MYO16: variants seen among roughly 807,000 people sequenced by gnomAD.
The protein encoded by MYO16 is myosin XVI.
In MYO16, 94 loss-of-function variants were observed where a neutral mutation model predicts 205.3. The ratio of observed to expected loss-of-function variants is 0.46; its 90% confidence interval spans 0.39 to 0.54. The LOEUF (loss-of-function observed/expected upper bound fraction) is 0.54, where lower values mean the gene tolerates loss of function less well. Ranked by LOEUF, MYO16 falls within the 20% of genes least tolerant of loss-of-function variation. The pLI, the probability that MYO16 is intolerant of heterozygous loss-of-function variation, is 0.00. For missense variants in MYO16, 2,315 were observed against 2,387.5 expected (o/e 0.97, Z 0.63); for synonymous variants, 988 against 954.0 (o/e 1.04, Z -0.66).
chr13:108,644,358 G>T (rs1010094142), intron 1 of MYO16, among the ~76,000 whole-genome samples: 1 of 124,274 alleles, frequency 8.0e-6, no homozygotes, highest in Non-Finnish European at 1.7e-5. Context: ...CTATCTGTCT[G>T]TCTGTCTATC....
chr13:108,669,203 G>T (rs1881876681), intron 2 of MYO16, among the ~76,000 whole-genome samples: 1 of 152,098 alleles, frequency 6.6e-6, no homozygotes, highest in African/African-American at 2.4e-5. Flanking sequence ...TGACCAGGAA[G>T]AAAGGATGAA....
At position 109,141,050 on chromosome 13, in the gene MYO16, C is replaced by T. The variant is rs763970728; in HGVS notation, c.4838C>T (p.Ala1613Val). 4.4e-4 allele frequency: 619 copies of T among 1,407,648 alleles called. 1 individual carries two copies. The highest frequency in any genetic ancestry group is 4.8e-4 in the Non-Finnish European group (523 of 1,084,490). 87.2% of individuals were successfully genotyped at this position (1,407,648 alleles called of 1,614,324 possible). A position where few individuals can be genotyped will look rare whatever the true frequency, so the allele number is the denominator to read the frequency against. The change falls in exon 32 of 35, where the codon GCG becomes GTG. Residue 1613 changes from alanine to valine, a missense_variant. Coordinates refer to ENST00000457511, the MANE Select transcript of MYO16 (RefSeq NM_001198950.3). This position sits in a 1 kb window ranked among gnomAD's most constrained non-coding sequence, Gnocchi z 4.1. ...GPPPAPYRPC[A>V]HLAFPPEPAP... ...CCCCCCGCGCCCTACAGGCCCTGCG[C>T]GCACTTGGCCTTCCCGCCGGAGCCC...
the MYO16 span, among the ~76,000 whole-genome samples, chr13:108,537,629 A>C: frequency 6.6e-6 from 1 of 151,964 alleles, no homozygotes; most frequent in Admixed American, 6.6e-5. Flanking sequence ...GTGGGTAAGC[A>C]TTTCCTTTTC....
intron 5 of MYO16, among the ~76,000 whole-genome samples, chr13:108,790,534 A>G (rs1467567366): frequency 6.6e-6 from 1 of 152,232 alleles, no homozygotes; most frequent in Admixed American, 6.5e-5. Flanking sequence ...ATAAATGAGA[A>G]TGGACCCATT....
At chr13:109,092,111 A>T (rs1888641871) in intron 27 of MYO16, among the ~76,000 whole-genome samples, 1 of 152,244 alleles carries the variant, frequency 6.6e-6, no homozygotes, top group South Asian at 2.1e-4. Flanking sequence ...AGGACACTGA[A>T]ACAACATAAG....
the MYO16 span, among the ~76,000 whole-genome samples, chr13:108,546,399 A>T: frequency 3.9e-5 from 6 of 152,198 alleles, no homozygotes; most frequent in Admixed American, 3.9e-4. Context: ...GAGGACCCTG[A>T]AGGTGCATGT....
chr13:108,701,141 C>T (rs1312511274), intron 2 of MYO16, among the ~76,000 whole-genome samples: 10 of 151,900 alleles, frequency 6.6e-5, no homozygotes, highest in Non-Finnish European at 1.0e-4. Context: ...GATTTAGTTA[C>T]GAAAAATAAT....
chr13:108,556,388 T>A, the MYO16 span, among the ~76,000 whole-genome samples: 1 of 152,182 alleles, frequency 6.6e-6, no homozygotes, highest in African/African-American at 2.4e-5. Flanking sequence ...ATTAGTGAGT[T>A]TGAGCCTTTT....
At chr13:108,946,011 G>T (rs1882925528) in intron 16 of MYO16, among the ~76,000 whole-genome samples, 1 of 152,146 alleles carries the variant, frequency 6.6e-6, no homozygotes, top group Non-Finnish European at 1.5e-5. Context: ...CTGTGTGCCT[G>T]GGGGTAGACA....
chr13:108,664,198 T>G (rs1881625176), intron 1 of MYO16, among the ~76,000 whole-genome samples: 1 of 152,220 alleles, frequency 6.6e-6, no homozygotes, highest in African/African-American at 2.4e-5. Context: ...CATATGATAC[T>G]AAAACGTATA....
intron 20 of MYO16, among the ~76,000 whole-genome samples, chr13:108,971,434 T>G (rs1415403301): frequency 6.6e-6 from 1 of 150,522 alleles, no homozygotes; most frequent in Non-Finnish European, 1.5e-5. Context: ...TATCTATCAG[T>G]CATCTCTCTA....
chr13:108,587,377 G>A, the MYO16 span, among the ~76,000 whole-genome samples: 1 of 152,142 alleles, frequency 6.6e-6, no homozygotes, highest in African/African-American at 2.4e-5. Flanking sequence ...GGCTAGGAGT[G>A]TCAATTTCTA....
intron 20 of MYO16, among the ~76,000 whole-genome samples, chr13:108,982,142 A>C (rs1884466015): frequency 6.6e-6 from 1 of 152,262 alleles, no homozygotes; most frequent in African/African-American, 2.4e-5. Flanking sequence ...TGTATGATGA[A>C]CAAGTGAAAG....
intron 32 of MYO16, among the ~76,000 whole-genome samples, chr13:109,149,012 T>C (rs1402126832): frequency 2.6e-5 from 4 of 152,186 alleles, no homozygotes; most frequent in Admixed American, 2.6e-4. Flanking sequence ...AAAATGACTT[T>C]CCTTGCATGG....
intron 7 of MYO16, among the ~76,000 whole-genome samples, chr13:108,817,722 A>G (rs1186032615): frequency 6.6e-6 from 1 of 152,224 alleles, no homozygotes; most frequent in Admixed American, 6.5e-5. Context: ...AGCACAACAC[A>G]GTTGAGGTCT....
intron 27 of MYO16, 103 bp from the exon 28 acceptor site, chr13:109,100,682 G>A (rs1274153731): frequency 3.2e-5 from 27 of 837,910 alleles, no homozygotes; most frequent in East Asian, 2.4e-4. Flanking sequence ...AAAGAAAGAC[G>A]GGGAAACTTT....
At chr13:108,585,588 G>A in the MYO16 span, among the ~76,000 whole-genome samples, 2 of 152,198 alleles carry the variant, frequency 1.3e-5, no homozygotes, top group African/African-American at 4.8e-5. Context: ...AAGGGAGAAG[G>A]GGATTCTCTA....
At chr13:108,647,574 A>AT (rs989875356) in intron 1 of MYO16, among the ~76,000 whole-genome samples, 1 of 151,616 alleles carries the variant, frequency 6.6e-6, no homozygotes, top group Non-Finnish European at 1.5e-5. Context: ...CCTTTTTTCC[A>AT]TTTTTTTCTC....
intron 16 of MYO16, among the ~76,000 whole-genome samples, chr13:108,914,367 A>T (rs531368292): frequency 6.6e-6 from 1 of 152,202 alleles, no homozygotes; most frequent in East Asian, 1.9e-4. Context: ...ACCAGCCTAC[A>T]TGTGACCACA....
Sources: gnomAD v4.1 joint callset for allele counts (sites outside exome capture counted in the v4.1 genomes callset) on GRCh38, gnomAD v4.1.1 for gene constraint, Gnocchi (gnomAD v3.1) non-coding constraint, MANE v1.5 for transcripts, NCBI Gene and HGNC (gene_info 2026-07-23, HGNC 2026-07-21) for gene names.